MELTF: variants seen among roughly 807,000 people sequenced by gnomAD.
The protein encoded by MELTF is melanotransferrin.
Under a neutral mutation model 83.7 loss-of-function variants are expected in MELTF, and 67 were observed. That is an observed-to-expected ratio of 0.80 (90% CI 0.66 to 0.98). MELTF has a LOEUF of 0.98. Among genes scored for constraint, MELTF ranks in the 50% least tolerant of loss-of-function variants. MELTF has a pLI of 0.00. For missense variants in MELTF, 1,002 were observed against 1,035.6 expected, an observed-to-expected ratio of 0.97 and a Z score of 0.44; for synonymous variants, 462 against 447.6, an observed-to-expected ratio of 1.03 and a Z score of -0.41.
At chr3:197,016,985 G>A in intron 7 of MELTF, 118 bp downstream of exon 7, 2 of 1,153,386 alleles carry the variant, frequency 1.7e-6, no homozygotes, top group Non-Finnish European at 2.4e-6. Flanking sequence ...CCGATGCTGG[G>A]GTCCGTCCCA....
chr3:197,014,306 T>C (rs955746603), intron 9 of MELTF, among the ~76,000 whole-genome samples: 1 of 151,598 alleles, frequency 6.6e-6, no homozygotes, highest in African/African-American at 2.4e-5. Flanking sequence ...CTAAAAAAAG[T>C]TGATCTCACA....
In MELTF at chr3:197,003,733, C is replaced by T. The variant is rs549639464; in HGVS notation, c.2137+168G>A. The T allele has an allele frequency of 2.6e-5, 20 of 768,224 alleles. No individual in the cohort carries two copies. The East Asian group carries it at 4.1e-4, about 16-fold the overall frequency. 47.6% of individuals were successfully genotyped at this position (768,224 alleles called of 1,614,324 possible). A position where few individuals can be genotyped will look rare whatever the true frequency, so the allele number is the denominator to read the frequency against. ...GAGACCCGCCGGGCTCCCGCCCTCC[C>T]GGCCCGCAGCCTCCTGGCCAAAATC... On this transcript the variant is annotated intron_variant, in intron 15 of 15. Coordinates refer to ENST00000296350, the MANE Select transcript of MELTF (RefSeq NM_005929.6). The surrounding 1 kb of genome is among the most constrained non-coding windows in gnomAD (Gnocchi z 6.2).
At position 197,024,609 on chromosome 3, in the gene MELTF, T is replaced by A; in HGVS notation, c.305-124A>T. 5.7e-6 allele frequency: 4 copies of A among 698,744 alleles called. No individual in the cohort carries two copies. Among genetic ancestry groups the A allele is most frequent in the Non-Finnish European group, 8.9e-6 (4 of 451,908 alleles). The allele number at this position is 698,744 out of a possible 1,614,324, so 43.3% of individuals were successfully genotyped here. ...CGGAGCACGGCTGTACACACGGATG[T>A]GTGCATAGCGTTCTCGTTACCAAGA... is the stretch of plus-strand genomic sequence containing the variant. On this transcript the variant is annotated intron_variant, in intron 3 of 15. Transcript: ENST00000296350. The surrounding 1 kb of genome is among the most constrained non-coding windows in gnomAD (Gnocchi z 5.3).
intron 9 of MELTF, among the ~76,000 whole-genome samples, chr3:197,014,383 GTT>G (rs71623319): frequency 2.0e-5 from 2 of 101,054 alleles, no homozygotes; most frequent in Non-Finnish European, 1.9e-5. Flanking sequence ...AATAGGGAGA[GTT>G]TTTTTTTTTT....
At chr3:197,014,383 G>GGTTTTTTTT (rs747329235) in intron 9 of MELTF, among the ~76,000 whole-genome samples, 1 of 101,058 alleles carries the variant, frequency 9.9e-6, no homozygotes, top group African/African-American at 4.1e-5. Context: ...AATAGGGAGA[G>GGTTTTTTTT]TTTTTTTTTT....
chr3:197,003,235 G>A lies in MELTF; in HGVS notation c.*137C>T. Reference sequence around the variant, plus strand: ...GCAGCGCCAGGTGGCGCCCGTGGGCGGCGGGGCTCCCGGGGAGGCGCCTGC... The same window carrying A: ...GCAGCGCCAGGTGGCGCCCGTGGGCAGCGGGGCTCCCGGGGAGGCGCCTGC... On this transcript the variant is annotated 3_prime_UTR_variant, in exon 16 of 16. Coordinates refer to ENST00000296350, the MANE Select transcript of MELTF (RefSeq NM_005929.6). The surrounding 1 kb of genome is among the most constrained non-coding windows in gnomAD (Gnocchi z 6.2). 9 of 959,786 alleles carry A rather than the reference G, an allele frequency of 9.4e-6. No homozygotes were observed. The highest frequency in any genetic ancestry group is 1.1e-5 in the Non-Finnish European group (9 of 799,734). The allele number at this position is 959,786 out of a possible 1,614,324, so 59.5% of individuals were successfully genotyped here. A position where few individuals can be genotyped will look rare whatever the true frequency, so the allele number is the denominator to read the frequency against.
rs867515495 is a variant in MELTF at position 197,003,307 on chromosome 3, C to T, written c.*65G>A. The T allele has an allele frequency of 2.8e-5, 29 of 1,048,550 alleles. 1 individual carries two copies. In the Middle Eastern group the frequency reaches 1.8e-3, roughly 65 times the overall value. 65.0% of individuals were successfully genotyped at this position (1,048,550 alleles called of 1,614,324 possible). A position where few individuals can be genotyped will look rare whatever the true frequency, so the allele number is the denominator to read the frequency against. On this transcript the variant is annotated 3_prime_UTR_variant, in exon 16 of 16. Transcript: ENST00000296350. The surrounding 1 kb of genome is among the most constrained non-coding windows in gnomAD (Gnocchi z 6.2). ...CCTTCGCGAGCTTCCTTCTGGATTC[C>T]AGCGCGAAGCCGCCGCGGAAACTCC...
chr3:197,015,958 G>A (rs566355165), intron 8 of MELTF, among the ~76,000 whole-genome samples: 8 of 152,244 alleles, frequency 5.3e-5, no homozygotes, highest in African/African-American at 1.7e-4. Flanking sequence ...AGATTCTGAT[G>A]GTCTGCATCC....
intron 4 of MELTF, 114 bp from the exon 5 acceptor site, chr3:197,023,227 C>T: frequency 9.4e-7 from 1 of 1,065,290 alleles, no homozygotes; most frequent in Non-Finnish European, 1.4e-6. Context: ...AGAATGGTTC[C>T]ACCTTCCAGC....
Position 197,015,632 on chromosome 3 carries a change from G to A in MELTF, c.1082-116C>T. ...CCTGTCAGGTGTGTGGCTGGGATAA[G>A]TTATTTAACCATCGGATCCCACTTC... On this transcript the variant is annotated intron_variant, in intron 8 of 15. Transcript: ENST00000296350. The A allele has an allele frequency of 2.9e-5, 34 of 1,190,060 alleles. No homozygotes were observed. The South Asian group carries it at 5.3e-4, about 19-fold the overall frequency. The allele number at this position is 1,190,060 out of a possible 1,614,324, so 73.7% of individuals were successfully genotyped here.
In MELTF at chr3:197,029,525, C is replaced by A; in HGVS notation, c.49+129G>T. ...CCGCCGTCCTCACTCGACCCCGAGC[C>A]CCTGCCTCCCCCGTCTCACTGCCCC... On this transcript the variant is annotated intron_variant, in intron 1 of 15. Coordinates refer to ENST00000296350, the MANE Select transcript of MELTF (RefSeq NM_005929.6). This position sits in a 1 kb window ranked among gnomAD's most constrained non-coding sequence, Gnocchi z 6.5. 1.5e-6 allele frequency: 1 copy of A among 676,214 alleles called. No individual in the cohort carries two copies. Among genetic ancestry groups the A allele is most frequent in the African/African-American group, 1.9e-5 (1 of 53,866 alleles). 41.9% of individuals were successfully genotyped at this position (676,214 alleles called of 1,614,324 possible).
chr3:197,016,826 T>A (rs1288125229), intron 7 of MELTF, among the ~76,000 whole-genome samples: 1 of 152,350 alleles, frequency 6.6e-6, no homozygotes, highest in Admixed American at 6.5e-5. Context: ...TTTGCTCATA[T>A]GTTTTGGTTT....
In MELTF at chr3:197,010,772, G is replaced by T; in HGVS notation, c.1256C>A (p.Thr419Asn). 3 of 1,613,638 alleles carry T rather than the reference G, an allele frequency of 1.9e-6. No homozygotes were observed. The highest frequency in any genetic ancestry group is 2.5e-6 in the Non-Finnish European group (3 of 1,180,030). ...RIQAEQVDAV[T>N]LSGEDIYTAG... ...CGTGTAAATGTCCTCGCCACTCAGG[G>T]TCACAGCGTCGACCTGCTCAGCCTG... Residue 419 changes from threonine (T) to asparagine (N), a missense_variant, in exon 10 of 16, where the codon ACC (threonine) becomes AAC (asparagine). Physicochemically the swap from Thr to Asn is moderately conservative, Grantham distance 65. Coordinates refer to ENST00000296350, the MANE Select transcript of MELTF (RefSeq NM_005929.6).
rs1401668280 is a variant in MELTF, at chr3:197,027,834, G to A, written c.126C>T (p.Ala42=). 6.2e-7 allele frequency: 1 copy of A among 1,611,610 alleles called. No homozygotes were observed. The highest frequency in any genetic ancestry group is 2.2e-5 in the East Asian group (1 of 44,844). Residue 42 remains alanine, a synonymous_variant, in exon 2 of 16, where the codon GCC becomes GCT. Transcript: ENST00000296350. ...AGGGCTGGATGCCCGCTTCCCGGAA[G>A]GCCTCGCTCATGTTGCCGCACTTGT... The part of the protein sequence containing the change: ...EQHKCGNMSE[A]FREAGIQPSL...
At chr3:197,016,131 G>T in intron 8 of MELTF, 58 bp downstream of exon 8, 1 of 1,410,212 alleles carries the variant, frequency 7.1e-7, no homozygotes, top group Non-Finnish European at 9.4e-7. Context: ...AGAGAGCCTC[G>T]CCATGCCCGA....
rs949307315 is a variant in MELTF, at chr3:197,026,659, C to A, written c.304+1G>T. On this transcript the variant is annotated splice_donor_variant, in intron 3 of 15. Coordinates refer to ENST00000296350, the MANE Select transcript of MELTF (RefSeq NM_005929.6). LOFTEE classifies it high-confidence loss of function. ...TCTCTCCTCCCACTGCACCCTCTTACCTTGATCGTACACTTCGCCCACCAC... is the reference window on the plus strand; with the variant it reads ...TCTCTCCTCCCACTGCACCCTCTTAACTTGATCGTACACTTCGCCCACCAC... 6.2e-7 allele frequency: 1 copy of A among 1,612,676 alleles called. No homozygotes were observed. The highest frequency in any genetic ancestry group is 8.5e-7 in the Non-Finnish European group (1 of 1,179,768).
At chr3:197,010,880 G>A (rs901967410) in intron 9 of MELTF, 86 bp from the exon 10 acceptor site, 41 of 1,215,786 alleles carry the variant, frequency 3.4e-5, no homozygotes, top group Non-Finnish European at 4.5e-5. Flanking sequence ...GCAGGGCCTG[G>A]TCTCTTGGGG....
At position 197,006,467 on chromosome 3, in the gene MELTF, C is replaced by T. The variant is rs531244282; in HGVS notation, c.1938+82G>A. On this transcript the variant is annotated intron_variant, in intron 14 of 15. Coordinates refer to ENST00000296350, the MANE Select transcript of MELTF (RefSeq NM_005929.6). The surrounding 1 kb of genome is among the most constrained non-coding windows in gnomAD (Gnocchi z 5.4). ...CTTCCTCAATTTCTCTAGAGGTCTG[C>T]TCCAGGTAGACTGAGGCCTCCCAGG... is the stretch of plus-strand genomic sequence containing the variant. 8 of 1,308,328 alleles carry T rather than the reference C, an allele frequency of 6.1e-6. No homozygotes were observed. The highest frequency in any genetic ancestry group is 8.3e-6 in the Non-Finnish European group (8 of 958,922). The allele number at this position is 1,308,328 out of a possible 1,614,324, so 81.0% of individuals were successfully genotyped here. A position where few individuals can be genotyped will look rare whatever the true frequency, so the allele number is the denominator to read the frequency against.
Position 197,022,915 on chromosome 3 carries a change from TCCTCCCTGCCCTCGGCC to T in MELTF, c.644+25_644+41del, listed in dbSNP as rs1013665516. ...TTTCCCCAGCATTTGTGGCCTCAGC[TCCTCCCTGCCCTCGGCC>T]CCTCCCTGCCCCCACTCCGCTCACC... On this transcript the variant is annotated intron_variant, in intron 5 of 15. Coordinates refer to ENST00000296350, the MANE Select transcript of MELTF (RefSeq NM_005929.6). This position sits in a 1 kb window ranked among gnomAD's most constrained non-coding sequence, Gnocchi z 5.1. 2.1e-5 allele frequency: 33 copies of T among 1,566,062 alleles called. No homozygotes were observed. Among genetic ancestry groups the T allele is most frequent in the Admixed American group, 5.9e-5 (3 of 50,880 alleles).
Sources: gnomAD v4.1 joint callset for allele counts (sites outside exome capture counted in the v4.1 genomes callset) on GRCh38, gnomAD v4.1.1 for gene constraint, Gnocchi (gnomAD v3.1) non-coding constraint, MANE v1.5 for transcripts, NCBI Gene and HGNC (gene_info 2026-07-23, HGNC 2026-07-21) for gene names.